Variants in MORC2 observed in about 807,000 individuals in gnomAD.
The protein encoded by MORC2 is MORC family CW-type zinc finger 2.
MORC2 carries 30 observed loss-of-function variants against 136.0 expected under a neutral mutation model. The observed-to-expected ratio is 0.22, with a 90% CI of 0.17 to 0.30. The LOEUF (loss-of-function observed/expected upper bound fraction) is 0.30, where lower values mean the gene tolerates loss of function less well. Among genes scored for constraint, MORC2 ranks in the 10% least tolerant of loss-of-function variants. The pLI, the probability that MORC2 is intolerant of heterozygous loss-of-function variation, is 1.00. For missense variants in MORC2, 922 were observed against 1,333.1 expected, an observed-to-expected ratio of 0.69 and a Z score of 4.80; for synonymous variants, 439 against 487.0, an observed-to-expected ratio of 0.90 and a Z score of 1.30.
Position 30,940,743 on chromosome 22 carries a change from C to T in MORC2, c.904+15G>A. On this transcript the variant is annotated intron_variant, in intron 10 of 25. Transcript: ENST00000397641. ...ATGCACACCCCCCCAACTCCTGCAC[C>T]CAGAGTGGCATTACCAATCCTTGCT... is the stretch of plus-strand genomic sequence containing the variant. The T allele has an allele frequency of 6.2e-7, 1 of 1,613,034 alleles. No homozygotes were observed. The highest frequency in any genetic ancestry group is 1.1e-5 in the South Asian group (1 of 91,060).
chr22:30,931,385 A>G (rs2040574173), intron 24 of MORC2, among the ~76,000 whole-genome samples: 2 of 152,232 alleles, frequency 1.3e-5, no homozygotes, highest in Admixed American at 1.3e-4. Context: ...TTACTTGCCA[A>G]CTGGCCCTCT....
chr22:30,933,383 G>C (rs2040604661), intron 21 of MORC2, 83 bp downstream of exon 21: 1 of 1,474,074 alleles, frequency 6.8e-7, no homozygotes, highest in Non-Finnish European at 9.4e-7. Context: ...TGAGCCTTTG[G>C]TAAATTGCTG....
At position 30,932,449 on chromosome 22, in the gene MORC2, A is replaced by G. The variant is rs1231700799; in HGVS notation, c.2751T>C (p.Asn917=). 2 of 1,613,950 alleles carry G rather than the reference A, an allele frequency of 1.2e-6. No homozygotes were observed. The highest frequency in any genetic ancestry group is 1.7e-6 in the Non-Finnish European group (2 of 1,179,818). The part of the protein sequence containing the change: ...TIDLLVQILR[N]CLRYFLPPSF... ...TTGGAGGCAGGAAGTACCGTAAACA[A>G]TTCCTAAAGAAGGCAGGGACAGTAA... Residue 917 remains asparagine (N), a synonymous_variant, in exon 24 of 26, where the codon AAT becomes AAC. Transcript: ENST00000397641. This position sits in a 1 kb window ranked among gnomAD's most constrained non-coding sequence, Gnocchi z 4.4.
In MORC2 at chr22:30,956,812, G is replaced by T; in HGVS notation, c.123-15C>A. The stretch of plus-strand genomic sequence containing the variant: ...CATCAGCATCTCTGCAAAGTGAAAA[G>T]AAAAGAATCATGTGAATTAATATGA... On this transcript the variant is annotated splice_polypyrimidine_tract_variant and intron_variant, in intron 2 of 25. Transcript: ENST00000397641. 6.5e-7 allele frequency: 1 copy of T among 1,538,946 alleles called. No homozygotes were observed. Among genetic ancestry groups the T allele is most frequent in the Non-Finnish European group, 8.8e-7 (1 of 1,137,662 alleles).
Position 30,967,285 on chromosome 22 carries a change from C to G in MORC2, c.68+537G>C, listed in dbSNP as rs544600993. On this transcript the variant is annotated intron_variant, in intron 1 of 25. Coordinates refer to ENST00000397641, the MANE Select transcript of MORC2 (RefSeq NM_001303256.3). ...CTAAATAGAGATATAAACAAGTTGC[C>G]GTTTCCTGTTTAGCATATACAAATA... 4 of 986,332 alleles carry G rather than the reference C, an allele frequency of 4.1e-6. No individual in the cohort carries two copies. The East Asian group carries it at 4.5e-4, about 112-fold the overall frequency. The allele number at this position is 986,332 out of a possible 1,614,324, so 61.1% of individuals were successfully genotyped here. A position where few individuals can be genotyped will look rare whatever the true frequency, so the allele number is the denominator to read the frequency against.
chr22:30,941,377 C>A lies in MORC2; in HGVS notation c.824+56G>T. On this transcript the variant is annotated intron_variant, in intron 9 of 25. Coordinates refer to ENST00000397641, the MANE Select transcript of MORC2 (RefSeq NM_001303256.3). This position sits in a 1 kb window ranked among gnomAD's most constrained non-coding sequence, Gnocchi z 4.6. The stretch of plus-strand genomic sequence containing the variant: ...TCCCTCTAACAATGCCCCAGAGAAA[C>A]GCGGCCACATCCTCGACCCATGGGA... 1 of 1,594,078 alleles carries A rather than the reference C, an allele frequency of 6.3e-7. No individual in the cohort carries two copies. The highest frequency in any genetic ancestry group is 8.6e-7 in the Non-Finnish European group (1 of 1,168,432).
chr22:30,934,671 T>G lies in MORC2; in HGVS notation c.2193+110A>C. On this transcript the variant is annotated intron_variant, in intron 19 of 25. Coordinates refer to ENST00000397641, the MANE Select transcript of MORC2 (RefSeq NM_001303256.3). The surrounding 1 kb of genome is among the most constrained non-coding windows in gnomAD (Gnocchi z 4.4). ...CGTCCTCAGGGGCAGCAGCAAAGCT[T>G]TAGATTCAGTATCTTCCGAAGGCTC... The G allele has an allele frequency of 2.1e-6, 3 of 1,439,782 alleles. No individual in the cohort carries two copies. Among genetic ancestry groups the G allele is most frequent in the Non-Finnish European group, 1.9e-6 (2 of 1,062,552 alleles). 89.2% of individuals were successfully genotyped at this position (1,439,782 alleles called of 1,614,324 possible).
At chr22:30,967,697 C>T in intron 1 of MORC2, 125 bp downstream of exon 1, 1 of 1,488,660 alleles carries the variant, frequency 6.7e-7, no homozygotes, top group Non-Finnish European at 8.9e-7. Context: ...TATCCAGTGA[C>T]ACATTTCACT....
chr22:30,967,974 G>C lies in MORC2; in HGVS notation c.-85C>G. ...TATCGATTTCCCAGGATTCTGTCCA[G>C]TAAAGCTTCAGTAAGTCTGTGCTCC... On this transcript the variant is annotated 5_prime_UTR_variant, in exon 1 of 26. Transcript: ENST00000397641. The C allele has an allele frequency of 6.5e-6, 8 of 1,231,744 alleles. No individual in the cohort carries two copies. The highest frequency in any genetic ancestry group is 8.2e-6 in the Non-Finnish European group (7 of 858,470). 76.3% of individuals were successfully genotyped at this position (1,231,744 alleles called of 1,614,324 possible).
At chr22:30,936,081 T>C (rs2040647261) in intron 17 of MORC2, among the ~76,000 whole-genome samples, 1 of 152,332 alleles carries the variant, frequency 6.6e-6, no homozygotes, top group African/African-American at 2.4e-5. Context: ...AAAACAATTA[T>C]GTGTATGTGT....
chr22:30,945,709 A>T (rs906089471), intron 6 of MORC2, among the ~76,000 whole-genome samples: 1 of 152,108 alleles, frequency 6.6e-6, no homozygotes. Flanking sequence ...AATGATTTAA[A>T]CTCAGAATAT....
rs1280514766 is a variant in MORC2 at position 30,937,606 on chromosome 22, T to C, written c.1475A>G (p.Glu492Gly). ...ACCGCACTGGATGGTGGTGGGGATT[T>C]CCATAGCTCTCCGGCGTTTGTAACG... ...ELRYKRRRAM[E>G]IPTTIQCDLC... The change falls in exon 15 of 26, where the codon GAA becomes GGA. Residue 492 changes from glutamate (E) to glycine (G), a missense_variant. Physicochemically the swap from Glu to Gly is moderately conservative, Grantham distance 98. Coordinates refer to ENST00000397641, the MANE Select transcript of MORC2 (RefSeq NM_001303256.3). The surrounding 1 kb of genome is among the most constrained non-coding windows in gnomAD (Gnocchi z 4.7). 6.2e-7 allele frequency: 1 copy of C among 1,613,060 alleles called. No individual in the cohort carries two copies. Among genetic ancestry groups the C allele is most frequent in the Admixed American group, 1.7e-5 (1 of 60,030 alleles).
In MORC2 at chr22:30,925,293, G is replaced by A. The variant is rs954620809; in HGVS notation, c.*1510C>T. On this transcript the variant is annotated 3_prime_UTR_variant, in exon 26 of 26. Transcript: ENST00000397641. ...TGGACCCCATGCTGCCTGAGATGAA[G>A]AGAGAGAGCAGGATGGCAGAGGAAT... is the stretch of plus-strand genomic sequence containing the variant. 3.5e-6 allele frequency: 1 copy of A among 287,588 alleles called. No individual in the cohort carries two copies. The highest frequency in any genetic ancestry group is 6.8e-6 in the Non-Finnish European group (1 of 148,052). The allele number at this position is 287,588 out of a possible 1,614,324, so 17.8% of individuals were successfully genotyped here.
chr22:30,957,135 TC>T lies in MORC2; in HGVS notation c.123-339del, dbSNP rs911255589. Among the ~76,000 whole-genome samples the T allele has an allele frequency of 3.3e-5, 5 of 152,350 alleles. No individual in the cohort carries two copies. The East Asian group carries it at 9.6e-4, about 29-fold the overall frequency. The stretch of plus-strand genomic sequence containing the variant: ...CTAAGAAATGATTCAAATATGTTTT[TC>T]TCACTCATTTGATTGCAATCATAAA... On this transcript the variant is annotated intron_variant, in intron 2 of 25. Coordinates refer to ENST00000397641, the MANE Select transcript of MORC2 (RefSeq NM_001303256.3).
intron 24 of MORC2, chr22:30,929,858 T>C (rs1422348101): frequency 6.6e-6 from 1 of 152,186 alleles, no homozygotes; most frequent in African/African-American, 2.4e-5. Flanking sequence ...GAAGCTAATA[T>C]ACTTTTTTTT....
At chr22:30,954,702 T>G (rs1427806758) in intron 3 of MORC2, among the ~76,000 whole-genome samples, 1 of 152,196 alleles carries the variant, frequency 6.6e-6, no homozygotes, top group East Asian at 1.9e-4. Flanking sequence ...TTGCTGAAAT[T>G]TACCCACCAA....
Position 30,967,843 on chromosome 22 carries a change from A to T in MORC2, c.47T>A (p.Phe16Tyr). 1 of 1,551,206 alleles carries T rather than the reference A, an allele frequency of 6.4e-7. No homozygotes were observed. ...YSSLNRAQLT[F>Y]EYLHTNSTTH... ...TTACGAATTTGTGTGCAGATATTCAAAGGTTAGCTGAGCTCGATTCAGACT... is the reference window on the plus strand; with the variant it reads ...TTACGAATTTGTGTGCAGATATTCATAGGTTAGCTGAGCTCGATTCAGACT... Residue 16 changes from phenylalanine to tyrosine, a missense_variant, in exon 1 of 26, where the codon TTT becomes TAT. Transcript: ENST00000397641.
chr22:30,934,187 G>T lies in MORC2; in HGVS notation c.2198C>A (p.Thr733Asn), dbSNP rs1208548110. The T allele has an allele frequency of 1.2e-6, 2 of 1,614,106 alleles. No homozygotes were observed. Among genetic ancestry groups the T allele is most frequent in the Non-Finnish European group, 8.5e-7 (1 of 1,180,014 alleles). Residue 733 changes from threonine to asparagine, a missense_variant, in exon 20 of 26, where the codon ACC (threonine) becomes AAC (asparagine). Coordinates refer to ENST00000397641, the MANE Select transcript of MORC2 (RefSeq NM_001303256.3). The surrounding 1 kb of genome is among the most constrained non-coding windows in gnomAD (Gnocchi z 4.4). ...TGCGACACTCCGCTTCCGACTAGGG[G>T]TAGCCTAGAGCAAGAGGAGCGTGAG... ...TESPIKLSPA[T>N]PSRKRSVAVS...
intron 4 of MORC2, 134 bp from the exon 5 acceptor site, chr22:30,949,976 C>A (rs2040865234): frequency 7.9e-6 from 6 of 757,968 alleles, no homozygotes; most frequent in South Asian, 1.7e-5. Context: ...AGGAAATTCA[C>A]CACCATGAAG....
Sources: gnomAD v4.1 joint callset for allele counts (sites outside exome capture counted in the v4.1 genomes callset) on GRCh38, gnomAD v4.1.1 for gene constraint, Gnocchi (gnomAD v3.1) non-coding constraint, MANE v1.5 for transcripts, NCBI Gene and HGNC (gene_info 2026-07-23, HGNC 2026-07-21) for gene names.